TSPAN33: variants seen among roughly 807,000 people sequenced by gnomAD.
The protein encoded by TSPAN33 is tetraspanin 33, also known as tetraspanin-33.
Under a neutral mutation model 34.8 loss-of-function variants are expected in TSPAN33, and 27 were observed. The observed-to-expected ratio is 0.78, with a 90% CI of 0.57 to 1.07. The LOEUF is 1.07. Ranked by LOEUF, TSPAN33 falls within the 50% of genes least tolerant of loss-of-function variation. TSPAN33 has a pLI of 0.00. For missense variants in TSPAN33, 272 were observed against 324.9 expected (o/e 0.84, Z 1.25); for synonymous variants, 119 against 124.2 (o/e 0.96, Z 0.28).
Position 129,167,716 on chromosome 7 carries a change from G to A in TSPAN33, c.751-57G>A. On this transcript the variant is annotated intron_variant, in intron 7 of 7. Coordinates refer to ENST00000486685, the MANE Select transcript of TSPAN33 (RefSeq NM_178562.5). The surrounding 1 kb of genome is among the most constrained non-coding windows in gnomAD (Gnocchi z 4.6). ...TGGCCGCACTGGGAAGATCGAGCCAGGGAAAACAAGGCCATCACTCACTGC... is the reference window on the plus strand; with the variant it reads ...TGGCCGCACTGGGAAGATCGAGCCAAGGAAAACAAGGCCATCACTCACTGC... The A allele has an allele frequency of 5.0e-6, 8 of 1,596,208 alleles. No individual in the cohort carries two copies. Among genetic ancestry groups the A allele is most frequent in the Non-Finnish European group, 6.9e-6 (8 of 1,165,042 alleles).
At chr7:129,161,885 ACC>A in intron 2 of TSPAN33, 149 bp downstream of exon 2, 1 of 867,100 alleles carries the variant, frequency 1.2e-6, no homozygotes, top group Non-Finnish European at 1.8e-6. Flanking sequence ...TAGGTGTCAG[ACC>A]CCCCCAGGCC....
At chr7:129,156,362 G>A (rs960464521) in intron 1 of TSPAN33, among the ~76,000 whole-genome samples, 2 of 152,208 alleles carry the variant, frequency 1.3e-5, no homozygotes, top group Non-Finnish European at 2.9e-5. Flanking sequence ...CCGCTGTAGA[G>A]TTAGCCTTTC....
Position 129,148,807 on chromosome 7 carries a change from G to T in TSPAN33, c.102+3725G>T, listed in dbSNP as rs1353407660. Among the ~76,000 whole-genome samples the T allele has an allele frequency of 1.3e-5, 2 of 152,164 alleles. No individual in the cohort carries two copies. Among genetic ancestry groups the T allele is most frequent in the South Asian group, 2.1e-4 (1 of 4,826 alleles). ...TAGGCTGAGCCAAGCCACCAGTGGG[G>T]CATCTTCTTCAAGAAATCCACTCTC... On this transcript the variant is annotated intron_variant, in intron 1 of 7. Transcript: ENST00000486685. The surrounding 1 kb of genome is among the most constrained non-coding windows in gnomAD (Gnocchi z 4.2).
At chr7:129,159,947 G>A (rs1793024156) in intron 1 of TSPAN33, among the ~76,000 whole-genome samples, 1 of 152,188 alleles carries the variant, frequency 6.6e-6, no homozygotes, top group Non-Finnish European at 1.5e-5. Flanking sequence ...GGAGGCTAGG[G>A]TGGGAGGATC....
chr7:129,158,263 A>G (rs1400181452), intron 1 of TSPAN33, among the ~76,000 whole-genome samples: 1 of 152,194 alleles, frequency 6.6e-6, no homozygotes, highest in Non-Finnish European at 1.5e-5. Flanking sequence ...AAGTAACACA[A>G]TCACAGGTTC....
chr7:129,168,012 G>A lies in TSPAN33; in HGVS notation c.*138G>A, dbSNP rs147126494. ...GCCCAGTGGGAAGAAGCAAACTCCA[G>A]ATGGGCAGAAGGCAGGGTGCACAGG... On this transcript the variant is annotated 3_prime_UTR_variant, in exon 8 of 8. Coordinates refer to ENST00000486685, the MANE Select transcript of TSPAN33 (RefSeq NM_178562.5). 2 of 1,468,494 alleles carry A rather than the reference G, an allele frequency of 1.4e-6. No homozygotes were observed. The highest frequency in any genetic ancestry group is 5.0e-5 in the East Asian group (2 of 40,302). 91.0% of individuals were successfully genotyped at this position (1,468,494 alleles called of 1,614,324 possible).
At chr7:129,164,676 TGGCTTCTGG>T in intron 5 of TSPAN33, 107 bp downstream of exon 5, 3 of 1,075,814 alleles carry the variant, frequency 2.8e-6, no homozygotes, top group Non-Finnish European at 4.2e-6. Context: ...TGCCAGGTAA[TGGCTTCTGG>T]GAAGGGGTTT....
chr7:129,146,921 T>C (rs1810527775), intron 1 of TSPAN33, among the ~76,000 whole-genome samples: 1 of 152,152 alleles, frequency 6.6e-6, no homozygotes, highest in Non-Finnish European at 1.5e-5. Flanking sequence ...GTGCATCTGT[T>C]ACACTTGTGT....
At chr7:129,149,675 C>G (rs1468933961) in intron 1 of TSPAN33, among the ~76,000 whole-genome samples, 1 of 11,942 alleles carries the variant, frequency 8.4e-5, no homozygotes, top group Non-Finnish European at 2.8e-4. Flanking sequence ...TTGCAGACCT[C>G]CCTTCCTCTT....
chr7:129,153,881 T>C (rs117388928), intron 1 of TSPAN33, among the ~76,000 whole-genome samples: 6,169 of 151,462 alleles, frequency 0.041, 204 homozygotes, highest in Middle Eastern at 0.12. Flanking sequence ...GTCAAGGCTA[T>C]AGTGAGCCCT....
intron 1 of TSPAN33, among the ~76,000 whole-genome samples, chr7:129,151,530 T>A (rs1170944192): frequency 1.3e-5 from 2 of 152,134 alleles, no homozygotes; most frequent in Non-Finnish European, 2.9e-5. Flanking sequence ...GTTTAGGACC[T>A]CAAGTTGAGG....
chr7:129,163,025 G>A (rs944370638), intron 4 of TSPAN33, 118 bp downstream of exon 4: 78 of 951,456 alleles, frequency 8.2e-5, no homozygotes, highest in Middle Eastern at 2.2e-4. Flanking sequence ...AACATCAGTC[G>A]TTGAAAAGTT....
intron 2 of TSPAN33, 63 bp from the exon 3 acceptor site, chr7:129,162,331 C>A (rs1399324482): frequency 1.9e-6 from 3 of 1,597,496 alleles, no homozygotes; most frequent in African/African-American, 1.3e-5. Context: ...GGCACCCTCC[C>A]ACCCCATCCA....
At position 129,167,528 on chromosome 7, in the gene TSPAN33, G is replaced by A; in HGVS notation, c.718G>A (p.Gly240Ser). ...GATACACAGCAACCTATTCTTACTT[G>A]GTGGTGTGGCTCTAGGCCTGGCCAT... ...NWIHSNLFLL[G>S]GVALGLAIPQ... is the part of the protein sequence containing the mutation. Residue 240 changes from glycine to serine, a missense_variant, in exon 7 of 8, where the codon GGT (glycine) becomes AGT (serine). Transcript: ENST00000486685. This position sits in a 1 kb window ranked among gnomAD's most constrained non-coding sequence, Gnocchi z 4.6. 6.2e-7 allele frequency: 1 copy of A among 1,614,144 alleles called. No homozygotes were observed.
intron 1 of TSPAN33, among the ~76,000 whole-genome samples, chr7:129,147,823 A>G (rs928644704): frequency 6.6e-6 from 1 of 152,146 alleles, no homozygotes; most frequent in Non-Finnish European, 1.5e-5. Context: ...GTTGCTCTAG[A>G]AGCCCTGACT....
intron 1 of TSPAN33, among the ~76,000 whole-genome samples, chr7:129,155,818 G>A (rs1757750158): frequency 1.3e-5 from 2 of 151,944 alleles, no homozygotes; most frequent in Admixed American, 1.3e-4. Context: ...ACCTCCTGGG[G>A]TCAAGCGATC....
rs766489556 is a variant in TSPAN33 at position 129,156,938 on chromosome 7, A to T, written c.103-4741A>T. On this transcript the variant is annotated intron_variant, in intron 1 of 7. Coordinates refer to ENST00000486685, the MANE Select transcript of TSPAN33 (RefSeq NM_178562.5). ...TTGACTGACAACTTTTCAGGAACAT[A>T]CATTTTGCTAAAAGCTAGACTCAGC... is the stretch of plus-strand genomic sequence containing the variant. Among the ~76,000 whole-genome samples the T allele has an allele frequency of 3.9e-5, 6 of 152,368 alleles. No homozygotes were observed. In the South Asian group the frequency reaches 1.2e-3, roughly 32 times the overall value.
chr7:129,155,276 G>T (rs921889929), intron 1 of TSPAN33, among the ~76,000 whole-genome samples: 2 of 152,196 alleles, frequency 1.3e-5, no homozygotes, highest in African/African-American at 4.8e-5. Context: ...ATGAAAAGAG[G>T]CTGGTTCATA....
intron 2 of TSPAN33, 139 bp from the exon 3 acceptor site, chr7:129,162,255 G>T: frequency 1.5e-6 from 2 of 1,303,008 alleles, no homozygotes; most frequent in South Asian, 2.7e-5. Context: ...CAGGGGTACT[G>T]CCTCCCCTTA....
Sources: allele counts gnomAD v4.1 joint callset (sites outside exome capture counted in the v4.1 genomes callset), GRCh38; gene constraint gnomAD v4.1.1; non-coding constraint Gnocchi (gnomAD v3.1); transcripts MANE v1.5; gene names NCBI Gene and HGNC (gene_info 2026-07-23, HGNC 2026-07-21).